Variants in DCHS2 observed in about 807,000 individuals in gnomAD.
The protein encoded by DCHS2 is dachsous cadherin-related 2.
Under a neutral mutation model 182.4 loss-of-function variants are expected in DCHS2, and 142 were observed. The observed-to-expected ratio is 0.78, with a 90% CI of 0.68 to 0.89. DCHS2 has a LOEUF of 0.89. DCHS2 is among the 40% of genes least tolerant of loss of function. The pLI, the probability that DCHS2 is intolerant of heterozygous loss-of-function variation, is 0.00. For missense variants in DCHS2, 4,319 were observed against 4,198.6 expected, an observed-to-expected ratio of 1.03 and a Z score of -0.79; for synonymous variants, 1,740 against 1,663.3, an observed-to-expected ratio of 1.05 and a Z score of -1.12.
At chr4:154,339,545 AT>A (rs1012247952) in intron 3 of DCHS2, among the ~76,000 whole-genome samples, 1 of 149,628 alleles carries the variant, frequency 6.7e-6, no homozygotes, top group Admixed American at 6.7e-5. Context: ...TGCCTCCTGG[AT>A]TCAAGCGATT....
At chr4:154,388,868 A>AAT in intron 1 of DCHS2, among the ~76,000 whole-genome samples, 1 of 152,170 alleles carries the variant, frequency 6.6e-6, no homozygotes, top group Non-Finnish European at 1.5e-5. Flanking sequence ...CCTAAAAAAA[A>AAT]ATTGTATTTG....
intron 14 of DCHS2, among the ~76,000 whole-genome samples, chr4:154,261,110 T>C (rs1199613565): frequency 6.6e-6 from 1 of 152,208 alleles, no homozygotes; most frequent in Non-Finnish European, 1.5e-5. Context: ...AATTTGGAGT[T>C]AGAGAAACCT....
chr4:154,350,366 G>T (rs75558577), intron 3 of DCHS2, among the ~76,000 whole-genome samples: 2,595 of 152,228 alleles, frequency 0.017, 23 homozygotes, highest in Middle Eastern at 0.034. Flanking sequence ...TCTGCAGAAA[G>T]GACTACATAA....
chr4:154,392,755 C>T (rs545916319), intron 1 of DCHS2, among the ~76,000 whole-genome samples: 110 of 152,282 alleles, frequency 7.2e-4, no homozygotes, highest in African/African-American at 2.6e-3. Context: ...TGTAAACATA[C>T]TATTTAGGGG....
intron 10 of DCHS2, among the ~76,000 whole-genome samples, chr4:154,312,338 C>A (rs1433692772): frequency 2.0e-5 from 3 of 152,134 alleles, no homozygotes; most frequent in African/African-American, 7.2e-5. Context: ...AAATGATGGA[C>A]AAATGCCACT....
At chr4:154,443,035 C>A (rs184515870) in intron 1 of DCHS2, among the ~76,000 whole-genome samples, 1 of 152,058 alleles carries the variant, frequency 6.6e-6, no homozygotes, top group Non-Finnish European at 1.5e-5. Flanking sequence ...ACCTCCTCCC[C>A]TCTGTCCAGC....
rs143462467 is a variant in DCHS2 at position 154,271,852 on chromosome 4, C to T, written c.6464-1839G>A. ...AATATATACACTGTGTAATCAGTAT[C>T]ATAAGCATAAAATATTTTCTATGAT... On this transcript the variant is annotated intron_variant, in intron 13 of 19. Coordinates refer to ENST00000357232, the MANE Select transcript of DCHS2 (RefSeq NM_001358235.2). Among the ~76,000 whole-genome samples, 510 of 152,166 alleles carry T rather than the reference C, an allele frequency of 3.4e-3. 2 individuals carry two copies. The highest frequency in any genetic ancestry group is 0.011 in the African/African-American group (465 of 41,510).
chr4:154,476,398 C>G (rs1272315169), intron 1 of DCHS2, among the ~76,000 whole-genome samples: 1 of 152,190 alleles, frequency 6.6e-6, no homozygotes, highest in East Asian at 1.9e-4. Flanking sequence ...AAAGATCTGT[C>G]TGATACGAAA....
rs1035273505 is a variant in DCHS2 at position 154,233,227 on chromosome 4, C to T, written c.*1309G>A. The T allele has an allele frequency of 6.6e-6, 1 of 152,144 alleles. No individual in the cohort carries two copies. Among genetic ancestry groups the T allele is most frequent in the Non-Finnish European group, 1.5e-5 (1 of 68,022 alleles). 9.4% of individuals were successfully genotyped at this position (152,144 alleles called of 1,614,324 possible). A position where few individuals can be genotyped will look rare whatever the true frequency, so the allele number is the denominator to read the frequency against. ...CACAGGAAGAGGACTTCTGAACCAC[C>T]ATCGTCAGGATGCTGTCCACCTTCC... On this transcript the variant is annotated 3_prime_UTR_variant, in exon 20 of 20. Transcript: ENST00000357232.
At chr4:154,350,819 C>A (rs1264093013) in intron 3 of DCHS2, among the ~76,000 whole-genome samples, 1 of 151,990 alleles carries the variant, frequency 6.6e-6, no homozygotes, top group Non-Finnish European at 1.5e-5. Flanking sequence ...GTCAGAAAAT[C>A]CTTTTAATAT....
In DCHS2 at chr4:154,377,306, C is replaced by G. The variant is rs376441129; in HGVS notation, c.2191G>C (p.Asp731His). Residue 731 changes from aspartate to histidine, a missense_variant, in exon 2 of 20, where the codon GAC becomes CAC. Transcript: ENST00000357232. ...TAGGTAGCTGGATCCCTTTCCCTGT[C>G]GATATCTTGAGAAACACAGATTTGC... Reference protein sequence around the residue: ...DGQICVSQDIDRERDPATYDL... With the variant: ...DGQICVSQDIHRERDPATYDL... The G allele has an allele frequency of 2.5e-6, 4 of 1,613,640 alleles. No individual in the cohort carries two copies. In the Admixed American group the frequency reaches 5.0e-5, roughly 20 times the overall value.
Position 154,377,461 on chromosome 4 carries a change from T to A in DCHS2, c.2053-17A>T. The A allele has an allele frequency of 1.3e-6, 2 of 1,595,806 alleles. No individual in the cohort carries two copies. Among genetic ancestry groups the A allele is most frequent in the East Asian group, 2.2e-5 (1 of 44,668 alleles). Reference sequence around the variant, plus strand: ...GGCTGTCACCTGTGAGACAGGAGGGTGATCAGGAGGAAACAGAAATGCTAG... The same window carrying A: ...GGCTGTCACCTGTGAGACAGGAGGGAGATCAGGAGGAAACAGAAATGCTAG... On this transcript the variant is annotated splice_polypyrimidine_tract_variant and intron_variant, in intron 1 of 19. Transcript: ENST00000357232.
intron 2 of DCHS2, among the ~76,000 whole-genome samples, chr4:154,366,969 G>A (rs571131778): frequency 6.6e-6 from 1 of 152,320 alleles, no homozygotes; most frequent in Admixed American, 6.5e-5. Context: ...GCCTTCACTA[G>A]GAAGGTACCA....
chr4:154,361,885 G>A (rs1250373170), intron 3 of DCHS2, among the ~76,000 whole-genome samples: 1 of 150,966 alleles, frequency 6.6e-6, no homozygotes, highest in Non-Finnish European at 1.5e-5. Context: ...GAAAACACAA[G>A]CCTATAACAG....
At chr4:154,314,704 C>T (rs1735790332) in intron 10 of DCHS2, among the ~76,000 whole-genome samples, 3 of 152,196 alleles carry the variant, frequency 2.0e-5, no homozygotes, top group Admixed American at 1.3e-4. Flanking sequence ...ATATCTATTA[C>T]AATTCTTGCA....
intron 2 of DCHS2, among the ~76,000 whole-genome samples, chr4:154,367,045 G>A (rs1004660274): frequency 2.6e-5 from 4 of 152,252 alleles, no homozygotes; most frequent in Middle Eastern, 6.8e-3. Flanking sequence ...AGAATAACAG[G>A]CAGAGGAAAG....
intron 1 of DCHS2, among the ~76,000 whole-genome samples, chr4:154,482,572 ACCCTC>A (rs1735962750): frequency 6.6e-6 from 1 of 152,238 alleles, no homozygotes; most frequent in African/African-American, 2.4e-5. Flanking sequence ...AGCGAAAAAG[ACCCTC>A]ACATACTTAG....
intron 1 of DCHS2, among the ~76,000 whole-genome samples, chr4:154,453,781 C>T (rs1385804806): frequency 1.3e-5 from 2 of 152,176 alleles, no homozygotes; most frequent in African/African-American, 4.8e-5. Context: ...CCCAATGAAT[C>T]TCTTGCCTAT....
intron 2 of DCHS2, 139 bp downstream of exon 2, chr4:154,377,114 A>G (rs1161964407): frequency 1.3e-6 from 1 of 777,690 alleles, no homozygotes; most frequent in East Asian, 2.7e-5. Flanking sequence ...TTTGCTTCAA[A>G]AAACTTCAGC....
Sources: allele counts gnomAD v4.1 joint callset (sites outside exome capture counted in the v4.1 genomes callset), GRCh38; gene constraint gnomAD v4.1.1; transcripts MANE v1.5; gene names NCBI Gene and HGNC (gene_info 2026-07-23, HGNC 2026-07-21).